Variants in DCUN1D3 observed in about 807,000 individuals in gnomAD.
DCUN1D3 encodes the protein DCN1-like protein 3.
DCUN1D3 carries 6 observed loss-of-function variants against 24.8 expected under a neutral mutation model. The observed-to-expected ratio is 0.24, with a 90% CI of 0.13 to 0.48. DCUN1D3 has a LOEUF of 0.48. Ranked by LOEUF, DCUN1D3 falls within the 20% of genes least tolerant of loss-of-function variation. The pLI, the probability that DCUN1D3 is intolerant of heterozygous loss-of-function variation, is 0.99. For synonymous variants in DCUN1D3, 120 were observed against 144.9 expected (o/e 0.83, Z 1.24); for missense variants, 258 against 379.4 (o/e 0.68, Z 2.66).
At chr16:20,895,341 C>A (rs1165469520) in intron 1 of DCUN1D3, among the ~76,000 whole-genome samples, 3 of 152,114 alleles carry the variant, frequency 2.0e-5, no homozygotes, top group Non-Finnish European at 2.9e-5. Context: ...AAGCAATCCT[C>A]CCACATAATA....
intron 1 of DCUN1D3, among the ~76,000 whole-genome samples, chr16:20,866,170 G>C (rs1033495415): frequency 2.0e-5 from 3 of 152,156 alleles, no homozygotes. Context: ...TACAAGGGAA[G>C]CAACTGTGCG....
chr16:20,897,936 T>C (rs2081924670), intron 1 of DCUN1D3, among the ~76,000 whole-genome samples: 1 of 152,160 alleles, frequency 6.6e-6, no homozygotes, highest in African/African-American at 2.4e-5. Context: ...ACAAGCAGCA[T>C]CATTTTCTAC....
At chr16:20,888,151 C>A (rs544740688) in intron 1 of DCUN1D3, among the ~76,000 whole-genome samples, 19 of 152,208 alleles carry the variant, frequency 1.2e-4, no homozygotes, top group Non-Finnish European at 2.4e-4. Context: ...ATACATGATT[C>A]TTGACTCCTT....
intron 1 of DCUN1D3, 108 bp from the exon 2 acceptor site, chr16:20,862,751 C>T (rs1262037335): frequency 1.1e-5 from 12 of 1,106,506 alleles, no homozygotes; most frequent in South Asian, 1.8e-5. Flanking sequence ...GAGCCAACAA[C>T]GAACCATGGG....
intron 1 of DCUN1D3, among the ~76,000 whole-genome samples, chr16:20,867,983 C>A (rs887378103): frequency 6.6e-6 from 1 of 152,238 alleles, no homozygotes; most frequent in Admixed American, 6.5e-5. Flanking sequence ...CTGTGCCCAA[C>A]GGACAATGAA....
intron 1 of DCUN1D3, among the ~76,000 whole-genome samples, chr16:20,885,687 T>A (rs1329995125): frequency 6.6e-6 from 1 of 152,212 alleles, no homozygotes; most frequent in Non-Finnish European, 1.5e-5. Context: ...CTACTACTAC[T>A]CGTTTCCCTT....
chr16:20,890,956 C>T (rs546870623), intron 1 of DCUN1D3, among the ~76,000 whole-genome samples: 1 of 151,370 alleles, frequency 6.6e-6, no homozygotes, highest in African/African-American at 2.4e-5. Context: ...ATTTGGCCTG[C>T]CAAAGAGAAC....
chr16:20,892,644 GCAGGT>G (rs921593499), intron 1 of DCUN1D3, among the ~76,000 whole-genome samples: 8 of 152,132 alleles, frequency 5.3e-5, no homozygotes, highest in African/African-American at 1.9e-4. Context: ...AAATTCCAGG[GCAGGT>G]CACAGGAAAT....
At chr16:20,869,122 GCAATCC>G (rs2081776601) in intron 1 of DCUN1D3, 1 of 152,420 alleles carries the variant, frequency 6.6e-6, no homozygotes, top group Non-Finnish European at 1.5e-5. Flanking sequence ...AGCCCAAAGG[GCAATCC>G]CAGAGGCTGC....
intron 1 of DCUN1D3, among the ~76,000 whole-genome samples, chr16:20,874,090 T>G (rs539317173): frequency 1.3e-5 from 2 of 152,312 alleles, no homozygotes; most frequent in Admixed American, 6.5e-5. Context: ...CTATCACAAC[T>G]GAAAGAGTCC....
chr16:20,864,242 A>C (rs548914922), intron 1 of DCUN1D3, among the ~76,000 whole-genome samples: 1 of 152,216 alleles, frequency 6.6e-6, no homozygotes, highest in Non-Finnish European at 1.5e-5. Flanking sequence ...CAAACTATGC[A>C]TCTGACAAAG....
rs150917380 is a variant in DCUN1D3, at chr16:20,890,075, AC to A, written c.-106+10128del. ...GGGGCATGGAAGCTCTGCACCCCCA[AC>A]TCATACCTTGCCCTATGCGTCTCTT... On this transcript the variant is annotated intron_variant, in intron 1 of 2. Coordinates refer to ENST00000324344, the MANE Select transcript of DCUN1D3 (RefSeq NM_173475.4). Among the ~76,000 whole-genome samples the A allele has an allele frequency of 7.5e-3, 1,147 of 152,230 alleles. 23 individuals are homozygous for A. The highest frequency in any genetic ancestry group is 0.026 in the African/African-American group (1,080 of 41,526).
At chr16:20,892,978 C>A (rs909556199) in intron 1 of DCUN1D3, among the ~76,000 whole-genome samples, 1 of 152,100 alleles carries the variant, frequency 6.6e-6, no homozygotes, top group Admixed American at 6.5e-5. Flanking sequence ...GAGTTTGTGA[C>A]AAAATGTTTG....
chr16:20,886,098 T>C (rs2081867203), intron 1 of DCUN1D3, among the ~76,000 whole-genome samples: 1 of 150,684 alleles, frequency 6.6e-6, no homozygotes, highest in Non-Finnish European at 1.5e-5. Context: ...TACTAATGGC[T>C]ATGGTATTTT....
rs184531130 is a variant in DCUN1D3, at chr16:20,856,144, C to G, written c.*3742G>C. 13 of 152,266 alleles carry G rather than the reference C, an allele frequency of 8.5e-5. No homozygotes were observed. The East Asian group carries it at 2.5e-3, about 29-fold the overall frequency. The allele number at this position is 152,266 out of a possible 1,614,324, so 9.4% of individuals were successfully genotyped here. ...AGACCTCATTTGGAATCTGGCAAACCAAACATTCTTAAATACATAGGTTGG... is the reference window on the plus strand; with the variant it reads ...AGACCTCATTTGGAATCTGGCAAACGAAACATTCTTAAATACATAGGTTGG... On this transcript the variant is annotated 3_prime_UTR_variant, in exon 3 of 3. Coordinates refer to ENST00000324344, the MANE Select transcript of DCUN1D3 (RefSeq NM_173475.4).
At chr16:20,887,270 C>G (rs968016959) in intron 1 of DCUN1D3, among the ~76,000 whole-genome samples, 1 of 152,136 alleles carries the variant, frequency 6.6e-6, no homozygotes, top group Non-Finnish European at 1.5e-5. Context: ...CCACTGCACT[C>G]CAGCCTGGGA....
At chr16:20,864,883 C>T (rs986040485) in intron 1 of DCUN1D3, among the ~76,000 whole-genome samples, 6 of 152,110 alleles carry the variant, frequency 3.9e-5, no homozygotes, top group East Asian at 1.9e-4. Context: ...AGCAAACTAA[C>T]GCAGGGACAG....
chr16:20,873,749 G>A (rs2081801131), intron 1 of DCUN1D3, among the ~76,000 whole-genome samples: 1 of 152,158 alleles, frequency 6.6e-6, no homozygotes, highest in African/African-American at 2.4e-5. Flanking sequence ...ATATGCCCAT[G>A]ACAAGCCAGC....
chr16:20,865,206 A>G (rs1444834414), intron 1 of DCUN1D3, among the ~76,000 whole-genome samples: 1 of 152,070 alleles, frequency 6.6e-6, no homozygotes, highest in Non-Finnish European at 1.5e-5. Context: ...ATTCAGAAAA[A>G]AAGAAAAAAC....
Sources: gnomAD v4.1 joint callset for allele counts (sites outside exome capture counted in the v4.1 genomes callset) on GRCh38, gnomAD v4.1.1 for gene constraint, MANE v1.5 for transcripts, NCBI Gene and HGNC (gene_info 2026-07-23, HGNC 2026-07-21) for gene names.